FRMD4A: variants seen among roughly 807,000 people sequenced by gnomAD.
The protein encoded by FRMD4A is FERM domain-containing protein 4A.
In FRMD4A, 29 loss-of-function variants were observed where a neutral mutation model predicts 129.1. That is an observed-to-expected ratio of 0.22 (90% confidence interval 0.17 to 0.31). The LOEUF (loss-of-function observed/expected upper bound fraction) is 0.31, where lower values mean the gene tolerates loss of function less well. FRMD4A is among the 10% of genes least tolerant of loss of function. FRMD4A has a pLI of 1.00. For synonymous variants in FRMD4A, 634 were observed against 571.6 expected (o/e 1.11, Z -1.56); for missense variants, 1,272 against 1,375.8 (o/e 0.92, Z 1.19).
At chr10:14,318,182 T>C (rs539827912) in intron 2 of FRMD4A, among the ~76,000 whole-genome samples, 4 of 152,240 alleles carry the variant, frequency 2.6e-5, no homozygotes, top group Non-Finnish European at 5.9e-5. Flanking sequence ...GACCAAAGAC[T>C]CAGCCTCAGG....
At chr10:13,936,959 C>T (rs1279549978) in intron 2 of FRMD4A, among the ~76,000 whole-genome samples, 1 of 152,206 alleles carries the variant, frequency 6.6e-6, no homozygotes, top group Non-Finnish European at 1.5e-5. Context: ...TGCTTCTGAT[C>T]CACTTACTAG....
chr10:13,758,677 C>T (rs1219805416), intron 8 of FRMD4A, among the ~76,000 whole-genome samples: 1 of 152,144 alleles, frequency 6.6e-6, no homozygotes, highest in African/African-American at 2.4e-5. Flanking sequence ...GCAGGACCCT[C>T]TCTTTTTTTG....
intron 2 of FRMD4A, among the ~76,000 whole-genome samples, chr10:13,929,329 A>G (rs1404085559): frequency 6.6e-6 from 1 of 152,154 alleles, no homozygotes; most frequent in Non-Finnish European, 1.5e-5. Flanking sequence ...CTTGCTGAAG[A>G]CCACCCTGAG....
At chr10:13,754,791 C>T (rs1006392800) in intron 8 of FRMD4A, among the ~76,000 whole-genome samples, 1 of 151,958 alleles carries the variant, frequency 6.6e-6, no homozygotes, top group Non-Finnish European at 1.5e-5. Flanking sequence ...AAGTTATGTT[C>T]CCAATGTTAA....
intron 2 of FRMD4A, among the ~76,000 whole-genome samples, chr10:13,899,427 T>G (rs1385758579): frequency 6.6e-6 from 1 of 152,208 alleles, no homozygotes; most frequent in African/African-American, 2.4e-5. Context: ...AACTTTAATT[T>G]AATCATCATG....
intron 2 of FRMD4A, among the ~76,000 whole-genome samples, chr10:14,293,620 G>GAAAAA (rs368317603): frequency 6.8e-6 from 1 of 146,990 alleles, no homozygotes; most frequent in Non-Finnish European, 1.5e-5. Flanking sequence ...TGAAGATAGA[G>GAAAAA]AAAAAAAAAA....
intron 2 of FRMD4A, among the ~76,000 whole-genome samples, chr10:14,218,036 G>C (rs1387815268): frequency 5.3e-5 from 8 of 152,006 alleles, no homozygotes. Flanking sequence ...CATCATGTTG[G>C]CCAGGCTGGT....
chr10:13,864,692 C>T (rs1424852037), intron 2 of FRMD4A, among the ~76,000 whole-genome samples: 2 of 151,582 alleles, frequency 1.3e-5, no homozygotes, highest in Non-Finnish European at 2.9e-5. Flanking sequence ...TCTCCTGCCT[C>T]AGCCTCCCGA....
intron 17 of FRMD4A, 40 bp downstream of exon 17, chr10:13,670,366 A>G: frequency 6.2e-7 from 1 of 1,602,166 alleles, no homozygotes; most frequent in Non-Finnish European, 8.5e-7. Context: ...AAAAACAAGG[A>G]TAACATGAGA....
At chr10:13,822,817 C>G (rs777569522) in intron 3 of FRMD4A, among the ~76,000 whole-genome samples, 5 of 152,128 alleles carry the variant, frequency 3.3e-5, no homozygotes, top group Non-Finnish European at 7.4e-5. Flanking sequence ...GTGCCCTCTT[C>G]TTCCTCACCC....
chr10:13,670,592 A>AAC (rs947651637), intron 16 of FRMD4A, 64 bp from the exon 17 acceptor site: 40 of 1,563,270 alleles, frequency 2.6e-5, no homozygotes, highest in Admixed American at 1.4e-4. Context: ...TGCTTCCTAG[A>AAC]ACACACACAC....
rs111969268 is a variant in FRMD4A, at chr10:13,699,453, C to A, written c.975+1887G>T. On this transcript the variant is annotated intron_variant, in intron 14 of 24. Coordinates refer to ENST00000357447, the MANE Select transcript of FRMD4A (RefSeq NM_018027.5). ...CCTGTTCAACAACAAGGCTTGCCAACTGCAGAATGAGCCCATCTTCCCGGG... is the reference window on the plus strand; with the variant it reads ...CCTGTTCAACAACAAGGCTTGCCAAATGCAGAATGAGCCCATCTTCCCGGG... 5.1e-3 allele frequency among the ~76,000 whole-genome samples: 778 copies of A among 152,226 alleles called. 2 individuals carry two copies. Among genetic ancestry groups the A allele is most frequent in the African/African-American group, 0.018 (750 of 41,534 alleles).
chr10:13,845,010 A>G (rs540951118), intron 3 of FRMD4A, among the ~76,000 whole-genome samples: 1 of 152,346 alleles, frequency 6.6e-6, no homozygotes, highest in South Asian at 2.1e-4. Context: ...CTTCCCACAG[A>G]TCAAAACCAA....
chr10:14,089,193 T>C (rs1238590991), intron 2 of FRMD4A, among the ~76,000 whole-genome samples: 1 of 152,136 alleles, frequency 6.6e-6, no homozygotes, highest in African/African-American at 2.4e-5. Flanking sequence ...TACCAAAGCC[T>C]CCTTCTGACT....
At chr10:13,956,382 C>T (rs2095410467) in intron 2 of FRMD4A, among the ~76,000 whole-genome samples, 1 of 152,194 alleles carries the variant, frequency 6.6e-6, no homozygotes, top group Admixed American at 6.5e-5. Context: ...GAACTCCTGA[C>T]CTCAAGTGAT....
intron 2 of FRMD4A, among the ~76,000 whole-genome samples, chr10:14,145,893 C>T (rs1479337916): frequency 6.6e-6 from 1 of 152,116 alleles, no homozygotes; most frequent in Admixed American, 6.5e-5. Context: ...TTTAGAGTAA[C>T]GTGCTTATTT....
At chr10:13,650,556 C>A (rs1002555544) in intron 24 of FRMD4A, among the ~76,000 whole-genome samples, 2 of 152,180 alleles carry the variant, frequency 1.3e-5, no homozygotes, top group African/African-American at 4.8e-5. Context: ...ATCGCCCTCC[C>A]ATACCGGGGG....
intron 13 of FRMD4A, among the ~76,000 whole-genome samples, chr10:13,706,790 C>T (rs1164234274): frequency 3.1e-5 from 4 of 127,512 alleles, no homozygotes. Flanking sequence ...GAGCCAGGGA[C>T]ACATGTGGCC....
intron 2 of FRMD4A, among the ~76,000 whole-genome samples, chr10:14,241,015 T>G (rs61836097): frequency 0.2 from 30,393 of 152,178 alleles, 3,734 homozygotes; most frequent in Middle Eastern, 0.34. Flanking sequence ...CCCTACTGAT[T>G]GATCCTTTTA....
Sources: gnomAD v4.1 joint callset for allele counts (sites outside exome capture counted in the v4.1 genomes callset) on GRCh38, gnomAD v4.1.1 for gene constraint, MANE v1.5 for transcripts, NCBI Gene and HGNC (gene_info 2026-07-23, HGNC 2026-07-21) for gene names.